BACE2: variants seen among roughly 807,000 people sequenced by gnomAD.
BACE2 encodes the protein 56 kDa aspartic-like protease.
In BACE2, 17 loss-of-function variants were observed where a neutral mutation model predicts 46.2. The observed-to-expected ratio is 0.37, with a 90% CI of 0.25 to 0.55. The LOEUF is 0.55. Ranked by LOEUF, BACE2 falls within the 20% of genes least tolerant of loss-of-function variation. The probability of loss-of-function intolerance (pLI) is 0.82; values close to 1 mark genes in which losing one functional copy is unlikely to be tolerated. For synonymous variants in BACE2, 277 were observed against 295.9 expected (o/e 0.94, Z 0.66); for missense variants, 595 against 698.1 (o/e 0.85, Z 1.66).
At chr21:41,272,063 T>C (rs978354753) in intron 8 of BACE2, among the ~76,000 whole-genome samples, 1 of 152,046 alleles carries the variant, frequency 6.6e-6, no homozygotes, top group Non-Finnish European at 1.5e-5. Context: ...TTCTTCATTT[T>C]TAAGATATTT....
At chr21:41,168,978 A>ACCCCCCCCCCCCCCCCCCC (rs1984488855) in intron 1 of BACE2, among the ~76,000 whole-genome samples, 1 of 84,186 alleles carries the variant, frequency 1.2e-5, no homozygotes, top group Non-Finnish European at 2.4e-5. Context: ...TCGTGTTCAT[A>ACCCCCCCCCCCCCCCCCCC]CCCTCCCTCC....
chr21:41,179,773 A>T (rs1198618618), intron 1 of BACE2: 1 of 649,798 alleles, frequency 1.5e-6, no homozygotes, highest in Non-Finnish European at 2.4e-6. Context: ...GGTGGAGAAG[A>T]CCACAGAGAC....
Position 41,172,056 on chromosome 21 carries a change from G to C in BACE2, c.312+3481G>C, listed in dbSNP as rs1455790835. Among the ~76,000 whole-genome samples the C allele has an allele frequency of 2.0e-5, 3 of 152,230 alleles. No individual in the cohort carries two copies. The East Asian group carries it at 5.8e-4, about 29-fold the overall frequency. On this transcript the variant is annotated intron_variant, in intron 1 of 8. Coordinates refer to ENST00000330333, the MANE Select transcript of BACE2 (RefSeq NM_012105.5). ...AATGAAGCTGACTGTAGGTGAGGCT[G>C]AAAACAAGAAGGCAATCCCAGCAAG... is the stretch of plus-strand genomic sequence containing the variant.
rs117734181 is a variant in BACE2, at chr21:41,187,688, C to A, written c.312+19113C>A. Among the ~76,000 whole-genome samples, 6 of 151,838 alleles carry A rather than the reference C, an allele frequency of 4.0e-5. No homozygotes were observed. The East Asian group carries it at 1.2e-3, about 30-fold the overall frequency. ...AAGGTGAAGATGTGATGTGTAGATA[C>A]TGAGCAAGAGAAAATGGTTGGGGGG... On this transcript the variant is annotated intron_variant, in intron 1 of 8. Coordinates refer to ENST00000330333, the MANE Select transcript of BACE2 (RefSeq NM_012105.5).
intron 1 of BACE2, among the ~76,000 whole-genome samples, chr21:41,210,259 A>C (rs997852394): frequency 2.0e-5 from 3 of 152,010 alleles, no homozygotes; most frequent in Admixed American, 6.6e-5. Context: ...GAGACCCCCC[A>C]AAAAAACCTT....
At chr21:41,269,532 C>A (rs1328041248) in intron 8 of BACE2, among the ~76,000 whole-genome samples, 1 of 152,166 alleles carries the variant, frequency 6.6e-6, no homozygotes, top group Non-Finnish European at 1.5e-5. Context: ...AAACCACTGA[C>A]GTGCCTTCTG....
In BACE2 at chr21:41,168,521, G is replaced by C; in HGVS notation, c.258G>C (p.Gly86=). The change falls in exon 1 of 9, where the codon GGG becomes GGC. Residue 86 remains glycine, a synonymous_variant. Coordinates refer to ENST00000330333, the MANE Select transcript of BACE2 (RefSeq NM_012105.5). ...NFLAMVDNLQ[G]DSGRGYYLEM... is the part of the protein sequence containing the mutation. Reference sequence around the variant, plus strand: ...TGGCCATGGTAGACAACCTGCAGGGGGACTCTGGCCGCGGCTACTACCTGG... The same window carrying C: ...TGGCCATGGTAGACAACCTGCAGGGCGACTCTGGCCGCGGCTACTACCTGG... The C allele has an allele frequency of 7.4e-7, 1 of 1,355,196 alleles. No homozygotes were observed. Among genetic ancestry groups the C allele is most frequent in the Non-Finnish European group, 9.6e-7 (1 of 1,046,328 alleles). 83.9% of individuals were successfully genotyped at this position (1,355,196 alleles called of 1,614,324 possible).
At chr21:41,198,978 C>T (rs1985846989) in intron 1 of BACE2, among the ~76,000 whole-genome samples, 1 of 151,058 alleles carries the variant, frequency 6.6e-6, no homozygotes. Context: ...CCCATTAACT[C>T]GTCATTTACA....
At position 41,226,132 on chromosome 21, in the gene BACE2, G is replaced by A. The variant is rs553756921; in HGVS notation, c.313-134G>A. Reference sequence around the variant, plus strand: ...TATAATAGCTTTTTCTATTCTCCTCGTCAGTATACTTTTTTTTTGTTCCAA... The same window carrying A: ...TATAATAGCTTTTTCTATTCTCCTCATCAGTATACTTTTTTTTTGTTCCAA... On this transcript the variant is annotated intron_variant, in intron 1 of 8. Transcript: ENST00000330333. 2.3e-5 allele frequency: 15 copies of A among 658,520 alleles called. No individual in the cohort carries two copies. In the African/African-American group the frequency reaches 2.5e-4, roughly 11 times the overall value. The allele number at this position is 658,520 out of a possible 1,614,324, so 40.8% of individuals were successfully genotyped here.
intron 1 of BACE2, among the ~76,000 whole-genome samples, chr21:41,221,520 C>T (rs564589354): frequency 3.9e-5 from 6 of 152,250 alleles, no homozygotes; most frequent in South Asian, 2.1e-4. Flanking sequence ...ATTTTGTTGT[C>T]GATTCCACAA....
chr21:41,200,339 G>A (rs997802394), intron 1 of BACE2, among the ~76,000 whole-genome samples: 8 of 151,994 alleles, frequency 5.3e-5, no homozygotes, highest in African/African-American at 9.7e-5. Flanking sequence ...CAAATATTTC[G>A]ATCATTTAAA....
At chr21:41,189,836 A>C (rs1272191895) in intron 1 of BACE2, among the ~76,000 whole-genome samples, 3 of 152,222 alleles carry the variant, frequency 2.0e-5, no homozygotes, top group Non-Finnish European at 4.4e-5. Flanking sequence ...TTAAGTATTA[A>C]CTTACACAAT....
chr21:41,204,087 G>A (rs1986050755), intron 1 of BACE2, among the ~76,000 whole-genome samples: 1 of 152,196 alleles, frequency 6.6e-6, no homozygotes, highest in African/African-American at 2.4e-5. Context: ...TGCAGTCTTG[G>A]CTCACTGTAG....
chr21:41,203,974 G>A (rs549594092), intron 1 of BACE2, among the ~76,000 whole-genome samples: 2 of 152,176 alleles, frequency 1.3e-5, no homozygotes, highest in South Asian at 2.1e-4. Context: ...GAGCCTGTGA[G>A]CTCACTCAGC....
intron 7 of BACE2, among the ~76,000 whole-genome samples, chr21:41,256,368 G>T (rs1047231130): frequency 2.0e-5 from 3 of 152,154 alleles, no homozygotes; most frequent in African/African-American, 7.2e-5. Context: ...GTGATAGTTT[G>T]CTGAGAATGA....
intron 8 of BACE2, among the ~76,000 whole-genome samples, chr21:41,263,406 A>G (rs1400251787): frequency 6.6e-6 from 1 of 152,232 alleles, no homozygotes; most frequent in South Asian, 2.1e-4. Context: ...ACATAAAACC[A>G]TCACTTTTAT....
At chr21:41,245,646 AG>A (rs1424163806) in intron 5 of BACE2, among the ~76,000 whole-genome samples, 1 of 152,276 alleles carries the variant, frequency 6.6e-6, no homozygotes, top group Non-Finnish European at 1.5e-5. Context: ...GCAGGAGTGC[AG>A]GTCCTCAATG....
intron 3 of BACE2, among the ~76,000 whole-genome samples, chr21:41,240,826 G>A (rs772319172): frequency 6.6e-6 from 1 of 152,206 alleles, no homozygotes; most frequent in Non-Finnish European, 1.5e-5. Context: ...ACACCAATGG[G>A]AAGATCTGTA....
At chr21:41,181,771 T>C (rs1985136373) in intron 1 of BACE2, 1 of 167,024 alleles carries the variant, frequency 6.0e-6, no homozygotes, top group African/African-American at 2.4e-5. Flanking sequence ...TATGGTTAGT[T>C]AGGAGGTCTG....
Sources: allele counts gnomAD v4.1 joint callset (sites outside exome capture counted in the v4.1 genomes callset), GRCh38; gene constraint gnomAD v4.1.1; transcripts MANE v1.5; gene names NCBI Gene and HGNC (gene_info 2026-07-23, HGNC 2026-07-21).